The following DDAH1 variants were observed in gnomAD, a reference collection of about 807,000 sequenced individuals.
DDAH1 encodes the protein dimethylarginine dimethylaminohydrolase 1, also known as N(G),N(G)-dimethylarginine dimethylaminohydrolase 1.
A neutral mutation model predicts 28.8 loss-of-function variants in DDAH1; 19 were observed. The ratio of observed to expected loss-of-function variants is 0.66; its 90% CI spans 0.46 to 0.97. The LOEUF is 0.97. DDAH1 is among the 50% of genes least tolerant of loss of function. DDAH1 has a pLI of 0.00. For missense variants in DDAH1, 326 were observed against 375.9 expected (o/e 0.87, Z 1.10); for synonymous variants, 153 against 154.4 (o/e 0.99, Z 0.07).
chr1:85,496,419 A>T (rs1656596929), intron 1 of DDAH1: 1 of 155,734 alleles, frequency 6.4e-6, no homozygotes, highest in Non-Finnish European at 1.4e-5. Context: ...CAAGTTTGTT[A>T]TTGTTAGAAT....
chr1:85,492,045 G>A (rs1377240375), intron 2 of DDAH1, among the ~76,000 whole-genome samples: 1 of 152,134 alleles, frequency 6.6e-6, no homozygotes, highest in African/African-American at 2.4e-5. Context: ...AACTTTATGA[G>A]ACATGCATAA....
chr1:85,486,746 T>A (rs1656218774), intron 2 of DDAH1, among the ~76,000 whole-genome samples: 1 of 152,056 alleles, frequency 6.6e-6, no homozygotes, highest in African/African-American at 2.4e-5. Context: ...TGGAAAAGCA[T>A]CATCAAAAGG....
At chr1:85,493,102 T>C (rs1245723636) in intron 2 of DDAH1, among the ~76,000 whole-genome samples, 1 of 151,952 alleles carries the variant, frequency 6.6e-6, no homozygotes, top group South Asian at 2.1e-4. Flanking sequence ...ATATTAATAT[T>C]ATATATACTT....
At chr1:85,523,525 A>G (rs1439595144) in intron 1 of DDAH1, among the ~76,000 whole-genome samples, 3 of 152,144 alleles carry the variant, frequency 2.0e-5, no homozygotes, top group Non-Finnish European at 4.4e-5. Flanking sequence ...CCATCAAACC[A>G]TAACTTGTCT....
At chr1:85,397,426 T>A in intron 1 of DDAH1, among the ~76,000 whole-genome samples, 1 of 152,204 alleles carries the variant, frequency 6.6e-6, no homozygotes, top group Non-Finnish European at 1.5e-5. Flanking sequence ...GAGCAAGAAT[T>A]AATTACATTA....
At chr1:85,556,618 G>A (rs1045410687) in intron 1 of DDAH1, among the ~76,000 whole-genome samples, 1 of 151,920 alleles carries the variant, frequency 6.6e-6, no homozygotes, top group African/African-American at 2.4e-5. Flanking sequence ...TGTTGTTTAA[G>A]GGGTAGAAAA....
chr1:85,454,012 T>C (rs1654774326), intron 1 of DDAH1, among the ~76,000 whole-genome samples: 1 of 152,170 alleles, frequency 6.6e-6, no homozygotes, highest in South Asian at 2.1e-4. Context: ...TGGATCCTGA[T>C]GCCTCCCAGT....
intron 1 of DDAH1, among the ~76,000 whole-genome samples, chr1:85,546,560 A>G (rs1658634439): frequency 6.6e-6 from 1 of 152,214 alleles, no homozygotes; most frequent in Non-Finnish European, 1.5e-5. Context: ...AAGGCAAACA[A>G]CACTAACTAG....
At position 85,464,511 on chromosome 1, in the gene DDAH1, C is replaced by G. The variant is rs1570577815; in HGVS notation, c.303+232G>C. The G allele has an allele frequency of 3.3e-6, 5 of 1,525,994 alleles. No individual in the cohort carries two copies. The East Asian group carries it at 1.2e-4, about 38-fold the overall frequency. The allele number at this position is 1,525,994 out of a possible 1,614,324, so 94.5% of individuals were successfully genotyped here. A position where few individuals can be genotyped will look rare whatever the true frequency, so the allele number is the denominator to read the frequency against. Reference sequence around the variant, plus strand: ...GCCCACCCACCTGCCCGAGACCGTACAACCACATTGAATCGGATCCTCCAG... The same window carrying G: ...GCCCACCCACCTGCCCGAGACCGTAGAACCACATTGAATCGGATCCTCCAG... On this transcript the variant is annotated intron_variant, in intron 1 of 5. Transcript: ENST00000284031. This position sits in a 1 kb window ranked among gnomAD's most constrained non-coding sequence, Gnocchi z 4.4.
intron 1 of DDAH1, among the ~76,000 whole-genome samples, chr1:85,381,757 G>A (rs551912116): frequency 3.3e-5 from 5 of 151,752 alleles, no homozygotes; most frequent in South Asian, 2.1e-4. Context: ...TAGCAAACCC[G>A]CATCAAGCAA....
intron 1 of DDAH1, among the ~76,000 whole-genome samples, chr1:85,412,325 T>C (rs1409942216): frequency 6.6e-6 from 1 of 152,212 alleles, no homozygotes; most frequent in Non-Finnish European, 1.5e-5. Context: ...TAGAACACAC[T>C]GAATTTCATC....
intron 1 of DDAH1, among the ~76,000 whole-genome samples, chr1:85,419,495 A>G (rs1965876): frequency 0.81 from 119,097 of 146,188 alleles, 48,690 homozygotes; most frequent in Middle Eastern, 0.9. Flanking sequence ...AGCCAAGATC[A>G]CACCATTGCA....
intron 1 of DDAH1, among the ~76,000 whole-genome samples, chr1:85,544,085 C>T (rs1658549023): frequency 6.6e-6 from 1 of 152,158 alleles, no homozygotes; most frequent in South Asian, 2.1e-4. Context: ...ATGCATTATG[C>T]ACTGATGTAC....
At chr1:85,449,736 T>TG (rs1248504878) in intron 1 of DDAH1, among the ~76,000 whole-genome samples, 2 of 151,788 alleles carry the variant, frequency 1.3e-5, no homozygotes, top group Admixed American at 6.6e-5. Context: ...GCATGTGTGG[T>TG]GGGTGAAAGT....
chr1:85,342,175 T>C (rs1382687236), intron 4 of DDAH1, among the ~76,000 whole-genome samples: 1 of 152,202 alleles, frequency 6.6e-6, no homozygotes, highest in African/African-American at 2.4e-5. Flanking sequence ...TGACAATCCA[T>C]GAAATGGATT....
chr1:85,472,728 T>A (rs915456671), intron 2 of DDAH1, among the ~76,000 whole-genome samples: 7 of 152,008 alleles, frequency 4.6e-5, no homozygotes, highest in Non-Finnish European at 8.8e-5. Context: ...TGCTCCAAAC[T>A]TTTTTTTAGA....
chr1:85,396,697 C>T (rs970883138), intron 1 of DDAH1, among the ~76,000 whole-genome samples: 1 of 152,024 alleles, frequency 6.6e-6, no homozygotes, highest in African/African-American at 2.4e-5. Flanking sequence ...TAAGAGATAA[C>T]GTTTAACCGT....
chr1:85,502,822 C>T (rs1024422496), intron 1 of DDAH1, among the ~76,000 whole-genome samples: 4 of 152,186 alleles, frequency 2.6e-5, no homozygotes, highest in Non-Finnish European at 4.4e-5. Context: ...CCTCTCCTGC[C>T]TCCTACCACC....
intron 1 of DDAH1, among the ~76,000 whole-genome samples, chr1:85,456,504 T>G (rs974824480): frequency 3.3e-5 from 5 of 152,230 alleles, no homozygotes; most frequent in Non-Finnish European, 5.9e-5. Context: ...CAGTACAGTA[T>G]TCAATAAATT....
Sources: allele counts gnomAD v4.1 joint callset (sites outside exome capture counted in the v4.1 genomes callset), GRCh38; gene constraint gnomAD v4.1.1; non-coding constraint Gnocchi (gnomAD v3.1); transcripts MANE v1.5; gene names NCBI Gene and HGNC (gene_info 2026-07-23, HGNC 2026-07-21).